TXNRD2: variants seen among roughly 807,000 people sequenced by gnomAD.
The protein encoded by TXNRD2 is thioredoxin reductase 2, mitochondrial.
TXNRD2 carries 67 observed loss-of-function variants against 70.8 expected under a neutral mutation model. The ratio of observed to expected loss-of-function variants is 0.95; its 90% CI spans 0.78 to 1.16. The LOEUF is 1.16. TXNRD2 is among the 50% of genes most tolerant of loss of function. The probability of loss-of-function intolerance (pLI) is 0.00; values close to 1 mark genes in which losing one functional copy is unlikely to be tolerated. For synonymous variants in TXNRD2, 301 were observed against 295.8 expected (o/e 1.02, Z -0.18); for missense variants, 644 against 719.9 (o/e 0.89, Z 1.21).
chr22:19,924,830 G>A (rs963866688), intron 2 of TXNRD2, among the ~76,000 whole-genome samples: 4 of 152,094 alleles, frequency 2.6e-5, no homozygotes, highest in Admixed American at 2.6e-4. Context: ...CACATGTGAG[G>A]GGAAGAAGGA....
intron 8 of TXNRD2, among the ~76,000 whole-genome samples, chr22:19,909,283 GT>G (rs1940211495): frequency 6.6e-6 from 1 of 151,304 alleles, no homozygotes; most frequent in Admixed American, 6.6e-5. Flanking sequence ...TTGGGAAAAT[GT>G]GTCAGAAGCA....
chr22:19,918,882 C>A lies in TXNRD2; in HGVS notation c.352G>T (p.Ala118Ser), dbSNP rs746982960. The A allele has an allele frequency of 6.2e-7, 1 of 1,610,588 alleles. No individual in the cohort carries two copies. Among genetic ancestry groups the A allele is most frequent in the South Asian group, 1.1e-5 (1 of 91,082 alleles). ...TACCAGTCATGCGGCACGGGCTGGG[C>A]CACCTCCCAGCCATAGTTGGGGGCA... ...QDAPNYGWEVAQPVPHDWRKM... is the reference protein window; with the variant it reads ...QDAPNYGWEVSQPVPHDWRKM... The change falls in exon 4 of 18, where the codon GCC becomes TCC. Residue 118 changes from alanine to serine, a missense_variant. Ala to Ser is a moderately conservative substitution (Grantham distance 99). Transcript: ENST00000400521.
chr22:19,920,968 G>C (rs184191789), intron 2 of TXNRD2, among the ~76,000 whole-genome samples: 1 of 151,654 alleles, frequency 6.6e-6, no homozygotes. Context: ...TTAGTTGGGC[G>C]TGGTGGCAGG....
chr22:19,932,289 G>A (rs1941394922), intron 1 of TXNRD2: 1 of 1,611,470 alleles, frequency 6.2e-7, no homozygotes, highest in Admixed American at 1.7e-5. Flanking sequence ...CCTGGGCACA[G>A]GGAGAGCTGC....
rs201658653 is a variant in TXNRD2, at chr22:19,918,975, C to T, written c.259G>A (p.Val87Ile). 1.5e-4 allele frequency: 239 copies of T among 1,611,820 alleles called. No homozygotes were observed. Among genetic ancestry groups the T allele is most frequent in the Non-Finnish European group, 1.9e-4 (223 of 1,179,840 alleles). The change falls in exon 4 of 18, where the codon GTC becomes ATC. Residue 87 changes from valine to isoleucine, a missense_variant. Physicochemically the swap from Val to Ile is conservative, Grantham distance 29. Transcript: ENST00000400521. ...GTRWGLGGTCVNVGCIPKKLM... is the reference protein window; with the variant it reads ...GTRWGLGGTCINVGCIPKKLM... ...TTCTTGGGGATGCAGCCCACGTTGACGCAGGTGCCGCCGAGGCCCCACCGG... is the reference window on the plus strand; with the variant it reads ...TTCTTGGGGATGCAGCCCACGTTGATGCAGGTGCCGCCGAGGCCCCACCGG...
At chr22:19,899,007 T>G in intron 9 of TXNRD2, 42 bp downstream of exon 9, 4 of 1,603,540 alleles carry the variant, frequency 2.5e-6, no homozygotes, top group Non-Finnish European at 3.4e-6. Flanking sequence ...GGAAGGAGTG[T>G]CCAGTTCCCA....
chr22:19,926,855 T>C (rs528666436), intron 2 of TXNRD2, among the ~76,000 whole-genome samples: 40 of 152,126 alleles, frequency 2.6e-4, no homozygotes, highest in Non-Finnish European at 4.3e-4. Context: ...AGGAAGTAGA[T>C]TAGTGGTTGC....
chr22:19,888,763 T>G (rs1345323791), intron 11 of TXNRD2, among the ~76,000 whole-genome samples: 1 of 152,202 alleles, frequency 6.6e-6, no homozygotes, highest in East Asian at 1.9e-4. Flanking sequence ...CCAGCCACCC[T>G]CACGGGGCCT....
rs763072970 is a variant in TXNRD2, at chr22:19,878,090, T to C, written c.1445A>G (p.Lys482Arg). 6 of 1,613,080 alleles carry C rather than the reference T, an allele frequency of 3.7e-6. No individual in the cohort carries two copies. In the South Asian group the frequency reaches 5.5e-5, roughly 15 times the overall value. ...EVTQGFALGIKCGASYAQVMR... is the reference protein window; with the variant it reads ...EVTQGFALGIRCGASYAQVMR... Reference sequence around the variant, plus strand: ...GCAGCCTGCATTCCTCGGGACTTACTTGATCCCCAGAGCAAATCCTTGAGT... The same window carrying C: ...GCAGCCTGCATTCCTCGGGACTTACCTGATCCCCAGAGCAAATCCTTGAGT... Residue 482 changes from lysine to arginine, a missense_variant and splice_region_variant, in exon 16 of 18, where the codon AAG becomes AGG. This residue lies in a region of TXNRD2 where 566 missense variants were observed against 645.0 expected (regional missense o/e 0.88). Coordinates refer to ENST00000400521, the MANE Select transcript of TXNRD2 (RefSeq NM_006440.5).
chr22:19,895,293 G>C, intron 11 of TXNRD2, 114 bp downstream of exon 11: 1 of 1,593,992 alleles, frequency 6.3e-7, no homozygotes, highest in Non-Finnish European at 8.5e-7. Flanking sequence ...CGGCCAACCC[G>C]CCTGGCAGCC....
At chr22:19,911,661 G>A (rs192788413) in intron 7 of TXNRD2, among the ~76,000 whole-genome samples, 15 of 152,234 alleles carry the variant, frequency 9.9e-5, no homozygotes, top group East Asian at 1.9e-4. Context: ...TCCAGGTCCC[G>A]GTGCCCTCGC....
At position 19,919,153 on chromosome 22, in the gene TXNRD2, C is replaced by G. The variant is rs1940778288; in HGVS notation, c.230-149G>C. The stretch of plus-strand genomic sequence containing the variant: ...TGCCACACGAATCTGCTCTCTATAA[C>G]TGTACTCGAAAATAAAAACAGTTGT... On this transcript the variant is annotated intron_variant, in intron 3 of 17. Coordinates refer to ENST00000400521, the MANE Select transcript of TXNRD2 (RefSeq NM_006440.5). The G allele has an allele frequency of 4.7e-6, 3 of 642,974 alleles. No homozygotes were observed. The Admixed American group carries it at 9.4e-5, about 20-fold the overall frequency. The allele number at this position is 642,974 out of a possible 1,614,324, so 39.8% of individuals were successfully genotyped here.
intron 8 of TXNRD2, 43 bp downstream of exon 8, chr22:19,911,334 G>A: frequency 6.6e-7 from 1 of 1,504,276 alleles, no homozygotes; most frequent in Non-Finnish European, 9.3e-7. Flanking sequence ...TGCTCACTCT[G>A]GTGAACAAAA....
At chr22:19,894,631 C>T (rs999478112) in intron 11 of TXNRD2, 7 of 181,464 alleles carry the variant, frequency 3.9e-5, no homozygotes, top group South Asian at 2.1e-4. Context: ...CTGTTTCACA[C>T]GCAAAAAAAG....
intron 14 of TXNRD2, among the ~76,000 whole-genome samples, chr22:19,879,623 G>C (rs1236873021): frequency 6.6e-6 from 1 of 151,566 alleles, no homozygotes; most frequent in East Asian, 1.9e-4. Context: ...GGTGGTGGGG[G>C]GGGTGGGGGT....
At chr22:19,936,352 A>G (rs1941538908) in intron 1 of TXNRD2, among the ~76,000 whole-genome samples, 1 of 151,954 alleles carries the variant, frequency 6.6e-6, no homozygotes, top group Non-Finnish European at 1.5e-5. Flanking sequence ...TGAGGATTCA[A>G]TATCTAACTC....
chr22:19,922,887 C>T (rs1370204616), intron 2 of TXNRD2, among the ~76,000 whole-genome samples: 5 of 151,614 alleles, frequency 3.3e-5, no homozygotes, highest in Non-Finnish European at 5.9e-5. Flanking sequence ...TGGGGTTTCA[C>T]CATGTTGGTC....
At chr22:19,937,229 T>C (rs1941565444) in intron 1 of TXNRD2, among the ~76,000 whole-genome samples, 1 of 152,136 alleles carries the variant, frequency 6.6e-6, no homozygotes, top group Non-Finnish European at 1.5e-5. Context: ...CAGGCTCCGA[T>C]AATTACTCTG....
intron 1 of TXNRD2, among the ~76,000 whole-genome samples, chr22:19,936,829 T>C (rs1411630580): frequency 6.6e-6 from 1 of 152,186 alleles, no homozygotes; most frequent in Non-Finnish European, 1.5e-5. Flanking sequence ...GCCGACTCTA[T>C]CTCATGTGCC....
Sources: gnomAD v4.1 joint callset for allele counts (sites outside exome capture counted in the v4.1 genomes callset) on GRCh38, gnomAD v4.1.1 for gene constraint, gnomAD v4.1.1 regional missense constraint, MANE v1.5 for transcripts, NCBI Gene and HGNC (gene_info 2026-07-23, HGNC 2026-07-21) for gene names.